Variants in NEURL1B observed in about 807,000 individuals in gnomAD.
NEURL1B encodes neuralized E3 ubiquitin protein ligase 1B.
NEURL1B carries 13 observed loss-of-function variants against 37.4 expected under a neutral mutation model. The ratio of observed to expected loss-of-function variants is 0.35; its 90% CI spans 0.23 to 0.55. The LOEUF is 0.55. NEURL1B is among the 20% of genes least tolerant of loss of function. The pLI, the probability that NEURL1B is intolerant of heterozygous loss-of-function variation, is 0.89. For synonymous variants in NEURL1B, 432 were observed against 426.6 expected, an observed-to-expected ratio of 1.01 and a Z score of -0.16; for missense variants, 790 against 879.2, an observed-to-expected ratio of 0.90 and a Z score of 1.28.
At chr5:172,668,940 G>A (rs1429483707) in intron 1 of NEURL1B, among the ~76,000 whole-genome samples, 1 of 152,176 alleles carries the variant, frequency 6.6e-6, no homozygotes, top group East Asian at 1.9e-4. Context: ...AACCCCAAAG[G>A]TGTCCGTTCC....
intron 2 of NEURL1B, among the ~76,000 whole-genome samples, chr5:172,670,661 ATTCG>A (rs1422911757): frequency 6.6e-6 from 1 of 152,084 alleles, no homozygotes; most frequent in African/African-American, 2.4e-5. Context: ...TCATTCATTC[ATTCG>A]CTCACTCATT....
chr5:172,670,179 G>A lies in NEURL1B; in HGVS notation c.426G>A (p.Thr142=), dbSNP rs992918665. 147 of 1,480,994 alleles carry A rather than the reference G, an allele frequency of 9.9e-5. No individual in the cohort carries two copies. The highest frequency in any genetic ancestry group is 1.2e-4 in the Non-Finnish European group (131 of 1,120,416). 91.7% of individuals were successfully genotyped at this position (1,480,994 alleles called of 1,614,324 possible). ...ALPENLALRD[T]VLAYWADRHG... ...CCGAGAACCTGGCGCTGCGCGACAC[G>A]GTGCTGGCCTACTGGGCCGACCGCC... is the stretch of plus-strand genomic sequence containing the variant. Residue 142 remains threonine (T), a synonymous_variant, in exon 2 of 5, where the codon ACG becomes ACA. Coordinates refer to ENST00000369800, the MANE Select transcript of NEURL1B (RefSeq NM_001142651.3).
At chr5:172,651,972 A>C (rs1377414354) in intron 1 of NEURL1B, among the ~76,000 whole-genome samples, 2 of 152,244 alleles carry the variant, frequency 1.3e-5, no homozygotes, top group Non-Finnish European at 2.9e-5. Flanking sequence ...GTGCCACTCC[A>C]GTTATTCGGC....
In NEURL1B at chr5:172,689,585, G is replaced by A. The variant is rs535890078; in HGVS notation, c.*2660G>A. ...TATGAAAGCTGGTGTTATCCCACTT[G>A]GCAGGTAAGGAAACTGAGGTCCTGT... On this transcript the variant is annotated 3_prime_UTR_variant, in exon 5 of 5. Coordinates refer to ENST00000369800, the MANE Select transcript of NEURL1B (RefSeq NM_001142651.3). 2 of 152,312 alleles carry A rather than the reference G, an allele frequency of 1.3e-5. No homozygotes were observed. The highest frequency in any genetic ancestry group is 4.1e-4 in the South Asian group (2 of 4,822). 9.4% of individuals were successfully genotyped at this position (152,312 alleles called of 1,614,324 possible). A position where few individuals can be genotyped will look rare whatever the true frequency, so the allele number is the denominator to read the frequency against.
intron 2 of NEURL1B, among the ~76,000 whole-genome samples, chr5:172,680,000 C>T (rs1218893381): frequency 3.3e-5 from 5 of 152,140 alleles, no homozygotes; most frequent in South Asian, 4.1e-4. Flanking sequence ...AAGATGGCTT[C>T]GTAGAGCCTT....
Position 172,683,574 on chromosome 5 carries a change from C to G in NEURL1B, c.733C>G (p.Arg245Gly). The G allele has an allele frequency of 7.1e-7, 1 of 1,402,090 alleles. No individual in the cohort carries two copies. Among genetic ancestry groups the G allele is most frequent in the Non-Finnish European group, 9.3e-7 (1 of 1,078,400 alleles). 86.9% of individuals were successfully genotyped at this position (1,402,090 alleles called of 1,614,324 possible). A position where few individuals can be genotyped will look rare whatever the true frequency, so the allele number is the denominator to read the frequency against. The change falls in exon 3 of 5, where the codon CGC (arginine) becomes GGC (glycine). Residue 245 changes from arginine to glycine, a missense_variant. By Grantham distance (125) the Arg-to-Gly change is moderately radical (BLOSUM62 -2). Around this residue, in one of 3 missense-constraint regions of NEURL1B, gnomAD observed 460 missense variants for 407.4 expected, o/e 1.13. Coordinates refer to ENST00000369800, the MANE Select transcript of NEURL1B (RefSeq NM_001142651.3). This position sits in a 1 kb window ranked among gnomAD's most constrained non-coding sequence, Gnocchi z 5.6. ...CAAGCTGGGCCACCTGGCGCTGGGC[C>G]GCGCCCCGGGCCCACCGCCAGCCGA... ...VAKLGHLALG[R>G]APGPPPADAA...
At chr5:172,671,047 T>A (rs989717105) in intron 2 of NEURL1B, among the ~76,000 whole-genome samples, 1 of 152,162 alleles carries the variant, frequency 6.6e-6, no homozygotes, top group African/African-American at 2.4e-5. Flanking sequence ...TTTTTAAAAA[T>A]TGAGGTAAAA....
chr5:172,650,065 T>C (rs2113262913), intron 1 of NEURL1B, among the ~76,000 whole-genome samples: 1 of 152,370 alleles, frequency 6.6e-6, no homozygotes, highest in South Asian at 2.1e-4. Context: ...CCCACAGCTA[T>C]TAAACAGTGT....
In NEURL1B at chr5:172,652,693, G is replaced by A. The variant is rs187149485; in HGVS notation, c.31+11256G>A. ...TTTACTAATGCCCAGTCTGAAGAAA[G>A]TCAGGAGGGATAGAGGTACTTTTCT... is the stretch of plus-strand genomic sequence containing the variant. On this transcript the variant is annotated intron_variant, in intron 1 of 4. Transcript: ENST00000369800. Among the ~76,000 whole-genome samples, 20 of 152,342 alleles carry A rather than the reference G, an allele frequency of 1.3e-4. No individual in the cohort carries two copies. In the East Asian group the frequency reaches 3.3e-3, roughly 25 times the overall value.
intron 3 of NEURL1B, 60 bp downstream of exon 3, chr5:172,684,198 C>T (rs542564867): frequency 1.7e-6 from 2 of 1,144,122 alleles, no homozygotes; most frequent in African/African-American, 3.3e-5. Context: ...TGCCGTCTCA[C>T]CCCGCTGCGC....
In NEURL1B at chr5:172,647,125, T is replaced by C. The variant is rs539469856; in HGVS notation, c.31+5688T>C. Among the ~76,000 whole-genome samples the C allele has an allele frequency of 6.6e-6, 1 of 152,170 alleles. No individual in the cohort carries two copies. The highest frequency in any genetic ancestry group is 1.5e-5 in the Non-Finnish European group (1 of 68,028). ...AGAACAGGCTGTTTAATCTCCCCCA[T>C]GGAGAAGAGTCAGCTCTGCCTCTCT... On this transcript the variant is annotated intron_variant, in intron 1 of 4. Transcript: ENST00000369800. This position sits in a 1 kb window ranked among gnomAD's most constrained non-coding sequence, Gnocchi z 4.2.
chr5:172,656,791 T>G (rs1195243350), intron 1 of NEURL1B: 1 of 685,010 alleles, frequency 1.5e-6, no homozygotes, highest in African/African-American at 1.8e-5. Context: ...ATATTAATTC[T>G]TTGAAAATAA....
Position 172,683,332 on chromosome 5 carries a change from C to T in NEURL1B, c.578-87C>T. The T allele has an allele frequency of 3.2e-6, 4 of 1,252,894 alleles. No individual in the cohort carries two copies. Among genetic ancestry groups the T allele is most frequent in the Non-Finnish European group, 4.0e-6 (4 of 995,394 alleles). The allele number at this position is 1,252,894 out of a possible 1,614,324, so 77.6% of individuals were successfully genotyped here. On this transcript the variant is annotated intron_variant, in intron 2 of 4. Transcript: ENST00000369800. The surrounding 1 kb of genome is among the most constrained non-coding windows in gnomAD (Gnocchi z 5.6). ...CGAGGCCCGGGTCGGTCGTGGAGGCCTGCAGGAGGCAGCGGGCGAGGAGGG... is the reference window on the plus strand; with the variant it reads ...CGAGGCCCGGGTCGGTCGTGGAGGCTTGCAGGAGGCAGCGGGCGAGGAGGG...
In NEURL1B at chr5:172,661,299, C is replaced by G. The variant is rs1376750854; in HGVS notation, c.32-8486C>G. Among the ~76,000 whole-genome samples the G allele has an allele frequency of 6.6e-6, 1 of 152,106 alleles. No homozygotes were observed. The highest frequency in any genetic ancestry group is 2.4e-5 in the African/African-American group (1 of 41,416). ...TCTGGGTATGTTTCTGGGGGGAAAC[C>G]CTGAAGTTGAATATCAGATTGTGCA... is the stretch of plus-strand genomic sequence containing the variant. On this transcript the variant is annotated intron_variant, in intron 1 of 4. Transcript: ENST00000369800. This position sits in a 1 kb window ranked among gnomAD's most constrained non-coding sequence, Gnocchi z 4.0.
In NEURL1B at chr5:172,641,960, G is replaced by GC. The variant is rs1263456185; in HGVS notation, c.31+529dup. ...ACGTTCCCACGCGCACCCCGGTTGC[G>GC]CCCCCCTCTGGTGTCCGCTCCACTG... is the stretch of plus-strand genomic sequence containing the variant. On this transcript the variant is annotated intron_variant, in intron 1 of 4. Transcript: ENST00000369800. This position sits in a 1 kb window ranked among gnomAD's most constrained non-coding sequence, Gnocchi z 6.4. 6.6e-6 allele frequency among the ~76,000 whole-genome samples: 1 copy of GC among 152,154 alleles called. No homozygotes were observed. Among genetic ancestry groups the GC allele is most frequent in the Admixed American group, 6.5e-5 (1 of 15,276 alleles).
At chr5:172,645,243 C>T (rs1036812914) in intron 1 of NEURL1B, among the ~76,000 whole-genome samples, 1 of 152,178 alleles carries the variant, frequency 6.6e-6, no homozygotes, top group African/African-American at 2.4e-5. Context: ...AGGTCAAGGA[C>T]ACAGAGTAAG....
Position 172,683,273 on chromosome 5 carries a change from G to C in NEURL1B, c.578-146G>C. The stretch of plus-strand genomic sequence containing the variant: ...ACTAAATAACACAGATGGACAAAAG[G>C]AGAGTTCGAAGCCGGGGTGGGGTGG... On this transcript the variant is annotated intron_variant, in intron 2 of 4. Transcript: ENST00000369800. The surrounding 1 kb of genome is among the most constrained non-coding windows in gnomAD (Gnocchi z 5.6). The C allele has an allele frequency of 6.8e-6, 6 of 875,988 alleles. No individual in the cohort carries two copies. The highest frequency in any genetic ancestry group is 9.1e-6 in the Non-Finnish European group (6 of 662,484). The allele number at this position is 875,988 out of a possible 1,614,324, so 54.3% of individuals were successfully genotyped here. A position where few individuals can be genotyped will look rare whatever the true frequency, so the allele number is the denominator to read the frequency against.
intron 1 of NEURL1B, among the ~76,000 whole-genome samples, chr5:172,655,418 G>A (rs1451334916): frequency 6.6e-6 from 1 of 152,078 alleles, no homozygotes; most frequent in Non-Finnish European, 1.5e-5. Context: ...CTCCCTAAGG[G>A]AGAATTAGGC....
rs571765577 is a variant in NEURL1B at position 172,683,177 on chromosome 5, G to A, written c.578-242G>A. 6.6e-6 allele frequency among the ~76,000 whole-genome samples: 1 copy of A among 152,258 alleles called. No individual in the cohort carries two copies. Among genetic ancestry groups the A allele is most frequent in the East Asian group, 1.9e-4 (1 of 5,174 alleles). On this transcript the variant is annotated intron_variant, in intron 2 of 4. Coordinates refer to ENST00000369800, the MANE Select transcript of NEURL1B (RefSeq NM_001142651.3). The surrounding 1 kb of genome is among the most constrained non-coding windows in gnomAD (Gnocchi z 5.6). The stretch of plus-strand genomic sequence containing the variant: ...CAGGGGAAAAAGGGCCTTATCTGCC[G>A]CTCCCAAAGGTAAGAGCATGTCAAG...
Sources: gnomAD v4.1 joint callset for allele counts (sites outside exome capture counted in the v4.1 genomes callset) on GRCh38, gnomAD v4.1.1 for gene constraint, gnomAD v4.1.1 regional missense constraint, Gnocchi (gnomAD v3.1) non-coding constraint, MANE v1.5 for transcripts, NCBI Gene and HGNC (gene_info 2026-07-23, HGNC 2026-07-21) for gene names.